The following HOXB4 variants were observed in gnomAD, a reference collection of about 807,000 sequenced individuals.
HOXB4 encodes homeobox protein Hox-B4.
HOXB4 carries 13 observed loss-of-function variants against 20.0 expected under a neutral mutation model. The ratio of observed to expected loss-of-function variants is 0.65; its 90% CI spans 0.42 to 1.03. HOXB4 has a LOEUF of 1.03. HOXB4 is among the 50% of genes least tolerant of loss of function. HOXB4 has a pLI of 0.00. For synonymous variants in HOXB4, 173 were observed against 148.9 expected, an observed-to-expected ratio of 1.16 and a Z score of -1.18; for missense variants, 343 against 357.1, an observed-to-expected ratio of 0.96 and a Z score of 0.32.
In HOXB4 at chr17:48,576,205, C is replaced by G. The variant is rs2069753402; in HGVS notation, c.*517G>C. The G allele has an allele frequency of 6.5e-6, 1 of 153,262 alleles. No individual in the cohort carries two copies. Among genetic ancestry groups the G allele is most frequent in the Non-Finnish European group, 1.5e-5 (1 of 68,546 alleles). 9.5% of individuals were successfully genotyped at this position (153,262 alleles called of 1,614,324 possible). A position where few individuals can be genotyped will look rare whatever the true frequency, so the allele number is the denominator to read the frequency against. On this transcript the variant is annotated 3_prime_UTR_variant, in exon 2 of 2. Transcript: ENST00000332503. The stretch of plus-strand genomic sequence containing the variant: ...GAGTGGGGGACAAAGAAAGGAAATC[C>G]AGGCTGTCTTCCAGCAGCGGCAGTA...
In HOXB4 at chr17:48,578,147, G is replaced by A. The variant is rs2069832063; in HGVS notation, c.173C>T (p.Ala58Val). 4.4e-6 allele frequency: 7 copies of A among 1,578,384 alleles called. No individual in the cohort carries two copies. Among genetic ancestry groups the A allele is most frequent in the Non-Finnish European group, 6.0e-6 (7 of 1,157,166 alleles). Residue 58 changes from alanine (A) to valine (V), a missense_variant, in exon 1 of 2, where the codon GCG (alanine) becomes GTG (valine). This residue lies in a region of HOXB4 where 241 missense variants were observed against 222.0 expected (regional missense o/e 1.09). Transcript: ENST00000332503. Reference sequence around the variant, plus strand: ...CGCGTAGCGCTGCACGGTGCACGCCGCGCGCCGCCCGAAGCCCGCCTCCGG... The same window carrying A: ...CGCGTAGCGCTGCACGGTGCACGCCACGCGCCGCCCGAAGCCCGCCTCCGG... ...FQPEAGFGRRAACTVQRYAAC... is the reference protein window; with the variant it reads ...FQPEAGFGRRVACTVQRYAAC...
chr17:48,576,645 T>TGTCCCCCCCCCCC lies in HOXB4; in HGVS notation c.*76_*77insGGGGGGGGGGGAC. On this transcript the variant is annotated 3_prime_UTR_variant, in exon 2 of 2. Coordinates refer to ENST00000332503, the MANE Select transcript of HOXB4 (RefSeq NM_024015.5). ...CCGGGGCCCAGGCCCCAGGGCCCCC[T>TGTCCCCCCCCCCC]CCTGTCCCCCCACCCCATCCCCTGC... 1.8e-6 allele frequency: 1 copy of TGTCCCCCCCCCCC among 559,070 alleles called. No homozygotes were observed. Among genetic ancestry groups the TGTCCCCCCCCCCC allele is most frequent in the Non-Finnish European group, 2.5e-6 (1 of 405,310 alleles). 34.6% of individuals were successfully genotyped at this position (559,070 alleles called of 1,614,324 possible). A position where few individuals can be genotyped will look rare whatever the true frequency, so the allele number is the denominator to read the frequency against.
chr17:48,576,598 G>A lies in HOXB4; in HGVS notation c.*124C>T. On this transcript the variant is annotated 3_prime_UTR_variant, in exon 2 of 2. Transcript: ENST00000332503. ...CTGCGTTTATTCGTATATAAAGTGT[G>A]GGGGAGGGCAGATAGATTTTTCCGG... The A allele has an allele frequency of 1.3e-6, 1 of 773,890 alleles. No homozygotes were observed. Among genetic ancestry groups the A allele is most frequent in the Non-Finnish European group, 2.0e-6 (1 of 497,136 alleles). 47.9% of individuals were successfully genotyped at this position (773,890 alleles called of 1,614,324 possible).
Position 48,576,788 on chromosome 17 carries a change from CGAGCG to C in HOXB4, c.685_689del (p.Arg229GlyfsTer70), listed in dbSNP as rs2069779513. On this transcript the variant is annotated frameshift_variant, in exon 2 of 2. Coordinates refer to ENST00000332503, the MANE Select transcript of HOXB4 (RefSeq NM_024015.5). LOFTEE classifies it high-confidence loss of function. Reference sequence around the variant, plus strand: ...CTCCGGCTGAGCCTGCCGCACCACCCGAGCGGATCTTGGTGTTGGGCAACTTGTGG... The same window carrying C: ...CTCCGGCTGAGCCTGCCGCACCACCCGATCTTGGTGTTGGGCAACTTGTGG... The C allele has an allele frequency of 1.2e-6, 2 of 1,614,066 alleles. No homozygotes were observed. Among genetic ancestry groups the C allele is most frequent in the African/African-American group, 1.3e-5 (1 of 74,952 alleles).
At position 48,577,888 on chromosome 17, in the gene HOXB4, C is replaced by T; in HGVS notation, c.432G>A (p.Trp144Ter). ...SACKEPVVYPWMRKVHVSTVN... is the reference protein window; with the variant it reads ...SACKEPVVYP ...CCGTGCTCACGTGAACTTTGCGCAT[C>T]CAGGGGTAGACGACGGGCTCTTTGC... is the stretch of plus-strand genomic sequence containing the variant. The change falls in exon 1 of 2, where the codon TGG (tryptophan) becomes TGA (stop). Residue 144 changes from tryptophan to a stop codon, truncating the protein, a stop_gained. Transcript: ENST00000332503. LOFTEE classifies it high-confidence loss of function. 2 of 1,389,160 alleles carry T rather than the reference C, an allele frequency of 1.4e-6. No individual in the cohort carries two copies. The highest frequency in any genetic ancestry group is 2.8e-5 in the East Asian group (1 of 36,184). 86.1% of individuals were successfully genotyped at this position (1,389,160 alleles called of 1,614,324 possible). A position where few individuals can be genotyped will look rare whatever the true frequency, so the allele number is the denominator to read the frequency against.
In HOXB4 at chr17:48,575,623, T is replaced by C. The variant is rs2069732474; in HGVS notation, c.*1099A>G. 6.6e-6 allele frequency: 1 copy of C among 152,360 alleles called. No individual in the cohort carries two copies. Among genetic ancestry groups the C allele is most frequent in the African/African-American group, 2.4e-5 (1 of 41,372 alleles). 9.4% of individuals were successfully genotyped at this position (152,360 alleles called of 1,614,324 possible). The stretch of plus-strand genomic sequence containing the variant: ...GCCCCAGAGGTAGGAAGGGGCCTGG[T>C]TTTGGAATGTCAGAAAGAGAAAAGG... On this transcript the variant is annotated 3_prime_UTR_variant, in exon 2 of 2. Coordinates refer to ENST00000332503, the MANE Select transcript of HOXB4 (RefSeq NM_024015.5).
chr17:48,577,117 T>G, intron 1 of HOXB4, 97 bp from the exon 2 acceptor site: 2 of 1,216,310 alleles, frequency 1.6e-6, no homozygotes, highest in East Asian at 2.4e-5. Flanking sequence ...CCTCCCTCCC[T>G]CTCCCGCCAC....
intron 1 of HOXB4, 40 bp downstream of exon 1, chr17:48,577,823 C>T (rs1169461383): frequency 3.6e-6 from 5 of 1,377,520 alleles, no homozygotes; most frequent in Non-Finnish European, 4.7e-6. Flanking sequence ...TGGTGTAAAG[C>T]TCCAGGGGTG....
rs200388738 is a variant in HOXB4 at position 48,576,779 on chromosome 17, C to A, written c.699G>T (p.Ala233=). The change falls in exon 2 of 2, where the codon GCG becomes GCT. Residue 233 remains alanine (A), a synonymous_variant. Coordinates refer to ENST00000332503, the MANE Select transcript of HOXB4 (RefSeq NM_024015.5). ...CAGGGGGCCCTCCGGCTGAGCCTGC[C>A]GCACCACCCGAGCGGATCTTGGTGT... ...LPNTKIRSGG[A]AGSAGGPPGR... The A allele has an allele frequency of 1.9e-6, 3 of 1,614,080 alleles. No individual in the cohort carries two copies. Among genetic ancestry groups the A allele is most frequent in the Admixed American group, 1.7e-5 (1 of 60,028 alleles).
chr17:48,578,021 C>T lies in HOXB4; in HGVS notation c.299G>A (p.Gly100Glu). The T allele has an allele frequency of 8.8e-7, 1 of 1,140,626 alleles. No individual in the cohort carries two copies. The highest frequency in any genetic ancestry group is 1.6e-5 in the African/African-American group (1 of 61,168). 70.7% of individuals were successfully genotyped at this position (1,140,626 alleles called of 1,614,324 possible). Residue 100 changes from glycine to glutamate, a missense_variant, in exon 1 of 2, where the codon GGG becomes GAG. Coordinates refer to ENST00000332503, the MANE Select transcript of HOXB4 (RefSeq NM_024015.5). Reference protein sequence around the residue: ...SPRAPAPPPAGALLPEPGQRC... With the variant: ...SPRAPAPPPAEALLPEPGQRC... ...CTGGCCGGGCTCCGGGAGGAGGGCC[C>T]CGGCGGGTGGCGGCGCAGGAGCCCG...
intron 1 of HOXB4, 21 bp downstream of exon 1, chr17:48,577,841 GA>G: frequency 7.2e-7 from 1 of 1,394,942 alleles, no homozygotes; most frequent in African/African-American, 1.5e-5. Context: ...GTGGGAGGGG[GA>G]AGGGGTGCCC....
At chr17:48,577,199 G>A (rs1478916393) in intron 1 of HOXB4, among the ~76,000 whole-genome samples, 179 bp from the exon 2 acceptor site, 3 of 152,158 alleles carry the variant, frequency 2.0e-5, no homozygotes, top group Non-Finnish European at 4.4e-5. Flanking sequence ...ATGAGAAAGA[G>A]ACCTCCAAGT....
chr17:48,576,657 A>ACC lies in HOXB4; in HGVS notation c.*63_*64dup. The ACC allele has an allele frequency of 7.9e-6, 1 of 126,962 alleles. No homozygotes were observed. The allele number at this position is 126,962 out of a possible 1,614,324, so 7.9% of individuals were successfully genotyped here. On this transcript the variant is annotated 3_prime_UTR_variant, in exon 2 of 2. Coordinates refer to ENST00000332503, the MANE Select transcript of HOXB4 (RefSeq NM_024015.5). ...CCCCAGGGCCCCCTCCTGTCCCCCC[A>ACC]CCCCATCCCCTGCACTCACTGCCCA... is the stretch of plus-strand genomic sequence containing the variant.
chr17:48,576,545 TATAA>T lies in HOXB4; in HGVS notation c.*173_*176del. 2 of 497,498 alleles carry T rather than the reference TATAA, an allele frequency of 4.0e-6. No homozygotes were observed. The highest frequency in any genetic ancestry group is 3.4e-6 in the Non-Finnish European group (1 of 293,840). The allele number at this position is 497,498 out of a possible 1,614,324, so 30.8% of individuals were successfully genotyped here. A position where few individuals can be genotyped will look rare whatever the true frequency, so the allele number is the denominator to read the frequency against. On this transcript the variant is annotated 3_prime_UTR_variant, in exon 2 of 2. Coordinates refer to ENST00000332503, the MANE Select transcript of HOXB4 (RefSeq NM_024015.5). ...CCCCGTGGCCCTCTATTGTCATTTC[TATAA>T]ATAAAGCTTCCCCTCCCCCTCTTCT...
Position 48,577,966 on chromosome 17 carries a change from C to T in HOXB4, c.354G>A (p.Pro118=). Residue 118 remains proline (P), a synonymous_variant, in exon 1 of 2, where the codon CCG becomes CCA. Coordinates refer to ENST00000332503, the MANE Select transcript of HOXB4 (RefSeq NM_024015.5). ...QRCEAVSSSP[P]PPPCAQNPLH... ...GGGGGTTCTGGGCGCAGGGAGGCGG[C>T]GGGGGGCTGCTGCTGACCGCCTCGC... The T allele has an allele frequency of 7.7e-7, 1 of 1,294,794 alleles. No homozygotes were observed. The highest frequency in any genetic ancestry group is 9.8e-7 in the Non-Finnish European group (1 of 1,015,676). The allele number at this position is 1,294,794 out of a possible 1,614,324, so 80.2% of individuals were successfully genotyped here.
Position 48,576,624 on chromosome 17 carries a change from G to A in HOXB4, c.*98C>T, listed in dbSNP as rs1159450710. On this transcript the variant is annotated 3_prime_UTR_variant, in exon 2 of 2. Coordinates refer to ENST00000332503, the MANE Select transcript of HOXB4 (RefSeq NM_024015.5). ...GGGGAGGGCAGATAGATTTTTCCGGGGCCCAGGCCCCAGGGCCCCCTCCTG... is the reference window on the plus strand; with the variant it reads ...GGGGAGGGCAGATAGATTTTTCCGGAGCCCAGGCCCCAGGGCCCCCTCCTG... 3 of 1,137,218 alleles carry A rather than the reference G, an allele frequency of 2.6e-6. No individual in the cohort carries two copies. The highest frequency in any genetic ancestry group is 3.6e-6 in the Non-Finnish European group (3 of 830,758). The allele number at this position is 1,137,218 out of a possible 1,614,324, so 70.4% of individuals were successfully genotyped here. A position where few individuals can be genotyped will look rare whatever the true frequency, so the allele number is the denominator to read the frequency against.
In HOXB4 at chr17:48,578,032, C is replaced by A. The variant is rs781521172; in HGVS notation, c.288G>T (p.Pro96=). Residue 96 remains proline, a synonymous_variant, in exon 1 of 2, where the codon CCG becomes CCT. Coordinates refer to ENST00000332503, the MANE Select transcript of HOXB4 (RefSeq NM_024015.5). ...CCGGGAGGAGGGCCCCGGCGGGTGG[C>A]GGCGCAGGAGCCCGAGGGGACAGAC... The part of the protein sequence containing the change: ...PPGLSPRAPA[P]PPAGALLPEP... The A allele has an allele frequency of 3.2e-5, 32 of 998,482 alleles. No individual in the cohort carries two copies. The highest frequency in any genetic ancestry group is 3.2e-5 in the Non-Finnish European group (27 of 846,380). The allele number at this position is 998,482 out of a possible 1,614,324, so 61.9% of individuals were successfully genotyped here.
At position 48,576,913 on chromosome 17, in the gene HOXB4, G is replaced by A. The variant is rs751342746; in HGVS notation, c.565C>T (p.Arg189Trp). 3 of 1,614,132 alleles carry A rather than the reference G, an allele frequency of 1.9e-6. No individual in the cohort carries two copies. The highest frequency in any genetic ancestry group is 2.7e-5 in the African/African-American group (2 of 74,952). Reference protein sequence around the residue: ...KEFHYNRYLTRRRRVEIAHAL... With the variant: ...KEFHYNRYLTWRRRVEIAHAL... ...TGGGCGATCTCCACCCTCCGGCGCC[G>A]TGTCAGGTAGCGGTTGTAGTGAAAT... The change falls in exon 2 of 2, where the codon CGG (arginine) becomes TGG (tryptophan). Residue 189 changes from arginine to tryptophan, a missense_variant. By Grantham distance (101) the Arg-to-Trp change is moderately radical. Transcript: ENST00000332503.
chr17:48,576,974 G>A lies in HOXB4; in HGVS notation c.504C>T (p.Ala168=). 1.9e-6 allele frequency: 3 copies of A among 1,613,126 alleles called. No individual in the cohort carries two copies. The highest frequency in any genetic ancestry group is 2.5e-6 in the Non-Finnish European group (3 of 1,179,276). The stretch of plus-strand genomic sequence containing the variant: ...GCTCCAAGACCTGCTGGCGCGTGTA[G>A]GCGGTCCGAGAGCGCTTGGGCTCCC... ...AGGEPKRSRT[A]YTRQQVLELE... The change falls in exon 2 of 2, where the codon GCC becomes GCT. Residue 168 remains alanine (A), a synonymous_variant. Coordinates refer to ENST00000332503, the MANE Select transcript of HOXB4 (RefSeq NM_024015.5).
Sources: allele counts gnomAD v4.1 joint callset (sites outside exome capture counted in the v4.1 genomes callset), GRCh38; gene constraint gnomAD v4.1.1; regional missense constraint gnomAD v4.1.1; transcripts MANE v1.5; gene names NCBI Gene and HGNC (gene_info 2026-07-23, HGNC 2026-07-21).